Variants in ABLIM2 observed in about 807,000 individuals in gnomAD.
The protein encoded by ABLIM2 is actin binding LIM protein family member 2, also known as actin-binding LIM protein 2.
In ABLIM2, 53 loss-of-function variants were observed where a neutral mutation model predicts 97.7. That is an observed-to-expected ratio of 0.54 (90% confidence interval 0.44 to 0.68). ABLIM2 has a LOEUF of 0.68. Ranked by LOEUF, ABLIM2 falls within the 30% of genes least tolerant of loss-of-function variation. ABLIM2 has a pLI of 0.00. For missense variants in ABLIM2, 835 were observed against 867.2 expected (o/e 0.96, Z 0.47); for synonymous variants, 361 against 345.8 (o/e 1.04, Z -0.49).
rs948132564 is a variant in ABLIM2 at position 8,015,348 on chromosome 4, C to G, written c.1423+4270G>C. On this transcript the variant is annotated intron_variant, in intron 14 of 20. Coordinates refer to ENST00000447017, the MANE Select transcript of ABLIM2 (RefSeq NM_001130083.2). The surrounding 1 kb of genome is among the most constrained non-coding windows in gnomAD (Gnocchi z 4.6). ...AAATGCGTCGGCCATGAGGAACCCT[C>G]TAGGGAGAGGCTGAGTTCCTACTCC... Among the ~76,000 whole-genome samples, 1 of 152,042 alleles carries G rather than the reference C, an allele frequency of 6.6e-6. No individual in the cohort carries two copies. The highest frequency in any genetic ancestry group is 2.1e-4 in the South Asian group (1 of 4,820).
At position 8,054,289 on chromosome 4, in the gene ABLIM2, C is replaced by T. The variant is rs781472105; in HGVS notation, c.764-43G>A. 6.2e-7 allele frequency: 1 copy of T among 1,607,880 alleles called. No homozygotes were observed. The highest frequency in any genetic ancestry group is 1.7e-5 in the Admixed American group (1 of 59,922). On this transcript the variant is annotated intron_variant, in intron 7 of 20. Transcript: ENST00000447017. The surrounding 1 kb of genome is among the most constrained non-coding windows in gnomAD (Gnocchi z 4.9). ...AGAGGGAAATGATTAGAGTTATTTC[C>T]CATGTTGCAGGGGCCTGTGTGGAAA...
In ABLIM2 at chr4:7,970,570, G is replaced by A. The variant is rs1343424671; in HGVS notation, c.1825-3467C>T. On this transcript the variant is annotated intron_variant, in intron 20 of 20. Coordinates refer to ENST00000447017, the MANE Select transcript of ABLIM2 (RefSeq NM_001130083.2). The surrounding 1 kb of genome is among the most constrained non-coding windows in gnomAD (Gnocchi z 5.3). ...TGACACCATGTGCTCCAGGCTGTGG[G>A]AGCCTCTGGGGAGGGCGATTCGAGG... Among the ~76,000 whole-genome samples the A allele has an allele frequency of 6.6e-6, 1 of 151,910 alleles. No homozygotes were observed. Among genetic ancestry groups the A allele is most frequent in the Non-Finnish European group, 1.5e-5 (1 of 67,966 alleles).
In ABLIM2 at chr4:8,058,051, C is replaced by T. The variant is rs1433593578; in HGVS notation, c.763+2916G>A. On this transcript the variant is annotated intron_variant, in intron 7 of 20. Transcript: ENST00000447017. This position sits in a 1 kb window ranked among gnomAD's most constrained non-coding sequence, Gnocchi z 4.2. ...ATCCCACAGAACCTCACAGCAGAAG[C>T]GGGGGCTGGCCTCAGGCCAGTCCTG... Among the ~76,000 whole-genome samples, 6 of 152,352 alleles carry T rather than the reference C, an allele frequency of 3.9e-5. No individual in the cohort carries two copies. Among genetic ancestry groups the T allele is most frequent in the South Asian group, 4.1e-4 (2 of 4,830 alleles).
chr4:8,146,957 C>G (rs1242285418), intron 1 of ABLIM2, among the ~76,000 whole-genome samples: 1 of 152,200 alleles, frequency 6.6e-6, no homozygotes, highest in African/African-American at 2.4e-5. Flanking sequence ...TTGATAAATG[C>G]TGCCATAGAT....
chr4:8,047,901 T>A (rs1249885857), intron 8 of ABLIM2, among the ~76,000 whole-genome samples: 2 of 152,204 alleles, frequency 1.3e-5, no homozygotes, highest in Non-Finnish European at 2.9e-5. Flanking sequence ...GCAAAGCAGA[T>A]GAACATTGGG....
In ABLIM2 at chr4:8,005,485, G is replaced by C. The variant is rs1046838209; in HGVS notation, c.1618+2574C>G. On this transcript the variant is annotated intron_variant, in intron 16 of 20. Transcript: ENST00000447017. This position sits in a 1 kb window ranked among gnomAD's most constrained non-coding sequence, Gnocchi z 4.9. The stretch of plus-strand genomic sequence containing the variant: ...AAATGCTTTGTTCAGTAAAAGCTGT[G>C]TGCAAATGGAACTGGTGCCCACGGA... 28 of 526,406 alleles carry C rather than the reference G, an allele frequency of 5.3e-5. No homozygotes were observed. The highest frequency in any genetic ancestry group is 1.1e-4 in the Non-Finnish European group (28 of 258,306). The allele number at this position is 526,406 out of a possible 1,614,324, so 32.6% of individuals were successfully genotyped here. A position where few individuals can be genotyped will look rare whatever the true frequency, so the allele number is the denominator to read the frequency against.
At position 8,132,772 on chromosome 4, in the gene ABLIM2, C is replaced by G. The variant is rs1849613047; in HGVS notation, c.10+25908G>C. Among the ~76,000 whole-genome samples the G allele has an allele frequency of 6.6e-6, 1 of 152,190 alleles. No individual in the cohort carries two copies. The highest frequency in any genetic ancestry group is 2.1e-4 in the South Asian group (1 of 4,832). ...ACTGAACCTCTTAGAGCCTCAGTTT[C>G]CTCATCTGTAAATGGGGATACCACG... is the stretch of plus-strand genomic sequence containing the variant. On this transcript the variant is annotated intron_variant, in intron 1 of 20. Coordinates refer to ENST00000447017, the MANE Select transcript of ABLIM2 (RefSeq NM_001130083.2). The surrounding 1 kb of genome is among the most constrained non-coding windows in gnomAD (Gnocchi z 8.0).
intron 9 of ABLIM2, among the ~76,000 whole-genome samples, chr4:8,036,865 C>G (rs1481245037): frequency 6.6e-6 from 1 of 151,688 alleles, no homozygotes; most frequent in African/African-American, 2.4e-5. Flanking sequence ...ACTGCACACA[C>G]AAACACACAT....
intron 16 of ABLIM2, among the ~76,000 whole-genome samples, chr4:8,000,538 T>C (rs1347673969): frequency 6.6e-6 from 1 of 152,008 alleles, no homozygotes; most frequent in African/African-American, 2.4e-5. Flanking sequence ...GGGCTGGGAT[T>C]GAATTGTGGG....
In ABLIM2 at chr4:7,999,411, C is replaced by T. The variant is rs1755563217; in HGVS notation, c.1619-6484G>A. On this transcript the variant is annotated intron_variant, in intron 16 of 20. Coordinates refer to ENST00000447017, the MANE Select transcript of ABLIM2 (RefSeq NM_001130083.2). This position sits in a 1 kb window ranked among gnomAD's most constrained non-coding sequence, Gnocchi z 4.4. Reference sequence around the variant, plus strand: ...ACATATTCAGAGATTTCACTTGACTCTCACCAGCCTACACACTAAACATGA... The same window carrying T: ...ACATATTCAGAGATTTCACTTGACTTTCACCAGCCTACACACTAAACATGA... Among the ~76,000 whole-genome samples, 1 of 152,192 alleles carries T rather than the reference C, an allele frequency of 6.6e-6. No individual in the cohort carries two copies. The highest frequency in any genetic ancestry group is 6.5e-5 in the Admixed American group (1 of 15,282).
In ABLIM2 at chr4:8,148,977, C is replaced by A. The variant is rs1013966759; in HGVS notation, c.10+9703G>T. On this transcript the variant is annotated intron_variant, in intron 1 of 20. Coordinates refer to ENST00000447017, the MANE Select transcript of ABLIM2 (RefSeq NM_001130083.2). This position sits in a 1 kb window ranked among gnomAD's most constrained non-coding sequence, Gnocchi z 6.7. ...GTCCAGCTGTGCCAAGGCCCAGGGTCCCCAGACACTACGGAGAGTCAGGCC... is the reference window on the plus strand; with the variant it reads ...GTCCAGCTGTGCCAAGGCCCAGGGTACCCAGACACTACGGAGAGTCAGGCC... Among the ~76,000 whole-genome samples the A allele has an allele frequency of 6.6e-6, 1 of 152,166 alleles. No individual in the cohort carries two copies. Among genetic ancestry groups the A allele is most frequent in the African/African-American group, 2.4e-5 (1 of 41,446 alleles).
intron 9 of ABLIM2, among the ~76,000 whole-genome samples, chr4:8,039,877 T>A (rs1185871174): frequency 7.3e-6 from 1 of 136,294 alleles, no homozygotes; most frequent in South Asian, 2.2e-4. Flanking sequence ...GATTACTGTT[T>A]TTTTTTTTTT....
intron 14 of ABLIM2, among the ~76,000 whole-genome samples, chr4:8,016,496 G>A (rs1412448814): frequency 6.6e-6 from 1 of 152,140 alleles, no homozygotes; most frequent in Non-Finnish European, 1.5e-5. Flanking sequence ...CCATTTTCCA[G>A]GGGAGACAGA....
In ABLIM2 at chr4:7,966,590, CA is replaced by C; in HGVS notation, c.*399del. ...TGCCCACCCCCGATGATGGTGTCAG[CA>C]ACCATCATCAACAAGCCTCACAGCT... On this transcript the variant is annotated 3_prime_UTR_variant, in exon 21 of 21. Coordinates refer to ENST00000447017, the MANE Select transcript of ABLIM2 (RefSeq NM_001130083.2). 1 of 184,950 alleles carries C rather than the reference CA, an allele frequency of 5.4e-6. No homozygotes were observed. The highest frequency in any genetic ancestry group is 1.1e-5 in the Non-Finnish European group (1 of 88,578). The allele number at this position is 184,950 out of a possible 1,614,324, so 11.5% of individuals were successfully genotyped here.
chr4:8,092,723 T>C (rs1389167306), intron 3 of ABLIM2, among the ~76,000 whole-genome samples: 3 of 152,190 alleles, frequency 2.0e-5, no homozygotes, highest in African/African-American at 4.8e-5. Context: ...AGCTCACAAG[T>C]GCTCCTGCGG....
At position 8,110,554 on chromosome 4, in the gene ABLIM2, C is replaced by G. The variant is rs1322128432; in HGVS notation, c.11-3917G>C. 2.7e-5 allele frequency among the ~76,000 whole-genome samples: 4 copies of G among 146,868 alleles called. No homozygotes were observed. The East Asian group carries it at 8.2e-4, about 30-fold the overall frequency. Reference sequence around the variant, plus strand: ...AATGTTCCCATAGCAACCAACCCAGCAAACAACAAGTGCTCAATACACAAT... The same window carrying G: ...AATGTTCCCATAGCAACCAACCCAGGAAACAACAAGTGCTCAATACACAAT... On this transcript the variant is annotated intron_variant, in intron 1 of 20. Coordinates refer to ENST00000447017, the MANE Select transcript of ABLIM2 (RefSeq NM_001130083.2).
intron 6 of ABLIM2, among the ~76,000 whole-genome samples, chr4:8,070,982 C>T (rs867659984): frequency 8.5e-5 from 13 of 152,178 alleles, no homozygotes; most frequent in Non-Finnish European, 1.9e-4. Flanking sequence ...CTCCCGCCCA[C>T]CTCTTCAGGA....
At chr4:8,073,864 G>A (rs915615805) in intron 6 of ABLIM2, among the ~76,000 whole-genome samples, 4 of 151,882 alleles carry the variant, frequency 2.6e-5, no homozygotes, top group Admixed American at 2.0e-4. Flanking sequence ...GAGGTAGGCA[G>A]ATCACCTGAG....
Position 8,032,602 on chromosome 4 carries a change from C to T in ABLIM2, c.1048-2826G>A, listed in dbSNP as rs762260829. On this transcript the variant is annotated intron_variant, in intron 10 of 20. Transcript: ENST00000447017. The surrounding 1 kb of genome is among the most constrained non-coding windows in gnomAD (Gnocchi z 4.3). ...TGGGTGGTTATGTTTATAACCCAGG[C>T]AGCAGCGCCACGGCAAGCGGGGACA... 36 of 1,611,350 alleles carry T rather than the reference C, an allele frequency of 2.2e-5. No homozygotes were observed. The Admixed American group carries it at 2.8e-4, about 13-fold the overall frequency.
Sources: gnomAD v4.1 joint callset for allele counts (sites outside exome capture counted in the v4.1 genomes callset) on GRCh38, gnomAD v4.1.1 for gene constraint, Gnocchi (gnomAD v3.1) non-coding constraint, MANE v1.5 for transcripts, NCBI Gene and HGNC (gene_info 2026-07-23, HGNC 2026-07-21) for gene names.